Variants in CHD6 observed in about 807,000 individuals in gnomAD.
The protein encoded by CHD6 is ATP-dependent chromatin remodeler CHD6.
Under a neutral mutation model 276.9 loss-of-function variants are expected in CHD6, and 50 were observed. That is an observed-to-expected ratio of 0.18 (90% confidence interval 0.14 to 0.23). CHD6 has a LOEUF of 0.23. Ranked by LOEUF, CHD6 falls within the 10% of genes least tolerant of loss-of-function variation. CHD6 has a pLI of 1.00. For synonymous variants in CHD6, 1,173 were observed against 1,229.3 expected (o/e 0.95, Z 0.96); for missense variants, 2,564 against 3,365.8 (o/e 0.76, Z 5.89).
rs2044740016 is a variant in CHD6 at position 41,533,385 on chromosome 20, A to G, written c.219T>C (p.Pro73=). 1 of 1,613,920 alleles carries G rather than the reference A, an allele frequency of 6.2e-7. No homozygotes were observed. The highest frequency in any genetic ancestry group is 1.6e-4 in the Middle Eastern group (1 of 6,062). Residue 73 remains proline, a synonymous_variant, in exon 3 of 37, where the codon CCT becomes CCC. Transcript: ENST00000373233. ...TAEEEAATLF[P]RKMTSHNGME... ...TCCCATTATGGGATGTCATTTTCCT[A>G]GGAAAAAGGGTAGCAGCTTCCTCTT...
At chr20:41,437,517 A>T (rs149457920) in intron 26 of CHD6, among the ~76,000 whole-genome samples, 183 bp from the exon 27 acceptor site, 7 of 152,178 alleles carry the variant, frequency 4.6e-5, no homozygotes, top group Non-Finnish European at 1.0e-4. Context: ...TTCTATTATT[A>T]TTGTTGTTAA....
intron 27 of CHD6, among the ~76,000 whole-genome samples, chr20:41,436,615 C>T (rs1486631728): frequency 1.3e-5 from 2 of 152,076 alleles, no homozygotes; most frequent in Non-Finnish European, 2.9e-5. Context: ...ACCCATATGC[C>T]CTTCAGTGGA....
rs537121214 is a variant in CHD6, at chr20:41,490,367, T to C, written c.1437-346A>G. On this transcript the variant is annotated intron_variant, in intron 11 of 36. Transcript: ENST00000373233. ...TACTACATACCTAGGCTATGTGGTATATAGCCTATGGCTTCTAGGCTATAA... is the reference window on the plus strand; with the variant it reads ...TACTACATACCTAGGCTATGTGGTACATAGCCTATGGCTTCTAGGCTATAA... Among the ~76,000 whole-genome samples the C allele has an allele frequency of 2.0e-5, 3 of 152,364 alleles. No homozygotes were observed. In the South Asian group the frequency reaches 6.2e-4, roughly 32 times the overall value.
intron 2 of CHD6, among the ~76,000 whole-genome samples, chr20:41,542,058 T>C (rs567516534): frequency 6.6e-6 from 1 of 152,352 alleles, no homozygotes; most frequent in East Asian, 1.9e-4. Flanking sequence ...AGTGCCTGTG[T>C]TGTTTTTGGA....
In CHD6 at chr20:41,600,334, C is replaced by T. The variant is rs75455187; in HGVS notation, c.-24+18006G>A. ...TACTTTGCACTAAAGAAGCCAGATACGAAACAGGACATTTTGTATTATTCC... is the reference window on the plus strand; with the variant it reads ...TACTTTGCACTAAAGAAGCCAGATATGAAACAGGACATTTTGTATTATTCC... On this transcript the variant is annotated intron_variant, in intron 1 of 36. Transcript: ENST00000373233. Among the ~76,000 whole-genome samples the T allele has an allele frequency of 7.9e-5, 12 of 152,182 alleles. No homozygotes were observed. In the East Asian group the frequency reaches 1.7e-3, roughly 22 times the overall value.
intron 25 of CHD6, among the ~76,000 whole-genome samples, chr20:41,441,976 G>C (rs989537526): frequency 6.6e-6 from 1 of 152,232 alleles, no homozygotes; most frequent in Admixed American, 6.5e-5. Context: ...ACTCAACTGA[G>C]CTGTCAAGAG....
intron 24 of CHD6, 47 bp downstream of exon 24, chr20:41,447,835 T>A: frequency 7.1e-7 from 1 of 1,408,106 alleles, no homozygotes; most frequent in Non-Finnish European, 1.0e-6. Context: ...AATAGGCATT[T>A]TATGTCAATT....
At position 41,412,411 on chromosome 20, in the gene CHD6, C is replaced by T. The variant is rs563687495; in HGVS notation, c.7132-148G>A. The T allele has an allele frequency of 1.9e-4, 157 of 831,416 alleles. 1 individual carries two copies. The highest frequency in any genetic ancestry group is 2.8e-4 in the Non-Finnish European group (147 of 525,422). The allele number at this position is 831,416 out of a possible 1,614,324, so 51.5% of individuals were successfully genotyped here. A position where few individuals can be genotyped will look rare whatever the true frequency, so the allele number is the denominator to read the frequency against. ...CAGGTTAAACTAAAGGAAATAGCCA[C>T]CTGGCTTCACCTAGGCTTTCTCTCC... On this transcript the variant is annotated intron_variant, in intron 35 of 36. Coordinates refer to ENST00000373233, the MANE Select transcript of CHD6 (RefSeq NM_032221.5).
chr20:41,405,818 C>T (rs2046659415), intron 36 of CHD6, among the ~76,000 whole-genome samples: 2 of 152,240 alleles, frequency 1.3e-5, no homozygotes, highest in South Asian at 4.2e-4. Context: ...GGAGAAAGCA[C>T]TAAAAGTGCT....
At chr20:41,555,393 G>A (rs533719064) in intron 1 of CHD6, among the ~76,000 whole-genome samples, 1,844 of 147,324 alleles carry the variant, frequency 0.013, 39 homozygotes, top group African/African-American at 0.044. Context: ...CGGACGGGGC[G>A]GCTGGCCGGG....
chr20:41,507,493 T>C (rs1457681706), intron 5 of CHD6, among the ~76,000 whole-genome samples: 2 of 152,050 alleles, frequency 1.3e-5, no homozygotes, highest in African/African-American at 4.8e-5. Flanking sequence ...TTTATCCTAA[T>C]GAAACGAAAA....
chr20:41,485,704 T>C (rs899775467), intron 14 of CHD6: 1 of 151,258 alleles, frequency 6.6e-6, no homozygotes, highest in Non-Finnish European at 1.5e-5. Context: ...TGGGGCGGGG[T>C]AGGGAGGTAT....
intron 17 of CHD6, among the ~76,000 whole-genome samples, chr20:41,467,576 A>G (rs2042953191): frequency 6.7e-6 from 1 of 149,904 alleles, no homozygotes; most frequent in African/African-American, 2.4e-5. Flanking sequence ...AAAAAAAAAA[A>G]AAAAAAAAAA....
At chr20:41,418,004 C>T (rs1280216348) in intron 31 of CHD6, among the ~76,000 whole-genome samples, 1 of 152,190 alleles carries the variant, frequency 6.6e-6, no homozygotes, top group East Asian at 1.9e-4. Context: ...TGGAAAAACA[C>T]CTAAGGCAGG....
intron 1 of CHD6, among the ~76,000 whole-genome samples, chr20:41,579,648 A>G (rs1253664943): frequency 6.6e-6 from 1 of 152,152 alleles, no homozygotes; most frequent in Non-Finnish European, 1.5e-5. Flanking sequence ...TTCTCTGCAC[A>G]TTCCTATGGA....
At chr20:41,486,932 T>C (rs866307048) in intron 14 of CHD6, among the ~76,000 whole-genome samples, 6 of 152,180 alleles carry the variant, frequency 3.9e-5, no homozygotes, top group African/African-American at 1.4e-4. Flanking sequence ...CATTTTCAAA[T>C]TGTACTCTCT....
chr20:41,598,438 T>C (rs1226955413), intron 1 of CHD6, among the ~76,000 whole-genome samples: 2 of 151,970 alleles, frequency 1.3e-5, no homozygotes, highest in Non-Finnish European at 2.9e-5. Flanking sequence ...AAATATTCCG[T>C]CCGCAAACTA....
chr20:41,415,668 T>C (rs368339960), intron 33 of CHD6, 30 bp from the exon 34 acceptor site: 5 of 1,493,758 alleles, frequency 3.3e-6, no homozygotes, highest in Non-Finnish European at 3.6e-6. Context: ...AAGAGAGGTC[T>C]GAATGTCACA....
intron 16 of CHD6, among the ~76,000 whole-genome samples, chr20:41,481,988 T>G (rs1361799256): frequency 6.6e-6 from 1 of 151,966 alleles, no homozygotes; most frequent in Non-Finnish European, 1.5e-5. Context: ...CAGGTGGTAG[T>G]GTTACATTAT....
Sources: gnomAD v4.1 joint callset for allele counts (sites outside exome capture counted in the v4.1 genomes callset) on GRCh38, gnomAD v4.1.1 for gene constraint, MANE v1.5 for transcripts, NCBI Gene and HGNC (gene_info 2026-07-23, HGNC 2026-07-21) for gene names.